CGNL1: variants seen among roughly 807,000 people sequenced by gnomAD.
The protein encoded by CGNL1 is cingulin like 1, also known as cingulin-like protein 1.
Under a neutral mutation model 141.2 loss-of-function variants are expected in CGNL1, and 132 were observed. That is an observed-to-expected ratio of 0.93 (90% CI 0.81 to 1.08). The LOEUF (loss-of-function observed/expected upper bound fraction) is 1.08. CGNL1 is among the 50% of genes least tolerant of loss of function. The pLI is 0.00. For synonymous variants in CGNL1, 690 were observed against 622.1 expected (o/e 1.11, Z -1.63); for missense variants, 1,870 against 1,588.6 (o/e 1.18, Z -3.01).
chr15:57,511,634 C>A (rs1408555773), intron 8 of CGNL1, among the ~76,000 whole-genome samples: 2 of 152,178 alleles, frequency 1.3e-5, no homozygotes, highest in African/African-American at 4.8e-5. Context: ...TGTTATCAAA[C>A]CTTTTGATGT....
Position 57,516,992 on chromosome 15 carries a change from G to A in CGNL1, c.2610+6G>A. The A allele has an allele frequency of 6.2e-7, 1 of 1,610,708 alleles. No individual in the cohort carries two copies. The highest frequency in any genetic ancestry group is 2.2e-5 in the East Asian group (1 of 44,774). ...AAACGCTGAAGAAGTACGAGGTGAG[G>A]CTCGCTGGGCCCAGGCCCAGCTTTG... On this transcript the variant is annotated splice_donor_region_variant and intron_variant, in intron 9 of 18. Transcript: ENST00000281282.
In CGNL1 at chr15:57,463,431, C is replaced by T. The variant is rs185339761; in HGVS notation, c.2403+1539C>T. ...TATTTTCATTATGCCATTTCAAGAGCGACAACTACATTGACCCATATCAGT... is the reference window on the plus strand; with the variant it reads ...TATTTTCATTATGCCATTTCAAGAGTGACAACTACATTGACCCATATCAGT... On this transcript the variant is annotated intron_variant, in intron 8 of 18. Transcript: ENST00000281282. Among the ~76,000 whole-genome samples the T allele has an allele frequency of 5.9e-5, 9 of 152,266 alleles. No homozygotes were observed. The South Asian group carries it at 8.3e-4, about 14-fold the overall frequency.
chr15:57,439,285 C>G lies in CGNL1; in HGVS notation c.1286C>G (p.Pro429Arg), dbSNP rs776158662. ...CCTTCCCAGGTGTGCCCGCAGCGGC[C>G]ACTGTCTCAGGAGCGCCGTGGGAAA... ...LRPSQVCPQR[P>R]LSQERRGKQS... The change falls in exon 2 of 19, where the codon CCA (proline) becomes CGA (arginine). Residue 429 changes from proline (P) to arginine (R), a missense_variant. Pro to Arg is a moderately radical substitution (Grantham distance 103, BLOSUM62 -2). Transcript: ENST00000281282. 1 of 1,614,072 alleles carries G rather than the reference C, an allele frequency of 6.2e-7. No individual in the cohort carries two copies. Among genetic ancestry groups the G allele is most frequent in the East Asian group, 2.2e-5 (1 of 44,866 alleles).
rs10593036 is a variant in CGNL1 at position 57,398,937 on chromosome 15, AAATTTT to A, written c.-16+22372_-16+22377del. ...ATTATTTTGAAAATCCAGGCCCTTT[AAATTTT>A]ATTTTTGCTCTCACAAATCCTTCTT... On this transcript the variant is annotated intron_variant, in intron 1 of 18. Transcript: ENST00000281282. Among the ~76,000 whole-genome samples, 1,461 of 152,298 alleles carry A rather than the reference AAATTTT, an allele frequency of 9.6e-3. 23 individuals are homozygous for A. The highest frequency in any genetic ancestry group is 0.033 in the African/African-American group (1,371 of 41,556).
At chr15:57,529,276 G>T (rs1351947205) in intron 13 of CGNL1, among the ~76,000 whole-genome samples, 1 of 152,106 alleles carries the variant, frequency 6.6e-6, no homozygotes, top group Non-Finnish European at 1.5e-5. Flanking sequence ...TCCCTTAGAG[G>T]TTATTGGGCT....
chr15:57,476,021 A>G (rs2152352368), intron 8 of CGNL1, among the ~76,000 whole-genome samples: 1 of 151,992 alleles, frequency 6.6e-6, no homozygotes, highest in African/African-American at 2.4e-5. Context: ...TTGTTTGTTT[A>G]CTCAACACAT....
intron 1 of CGNL1, among the ~76,000 whole-genome samples, chr15:57,391,178 C>A (rs749418592): frequency 3.3e-5 from 5 of 152,260 alleles, no homozygotes; most frequent in Non-Finnish European, 7.3e-5. Context: ...CTTTCCACAC[C>A]CTGTGGTTGT....
At chr15:57,507,551 T>A (rs897175345) in intron 8 of CGNL1, among the ~76,000 whole-genome samples, 2 of 152,150 alleles carry the variant, frequency 1.3e-5, no homozygotes, top group Non-Finnish European at 2.9e-5. Context: ...AAAGGGAGTA[T>A]CTTTTAGGTG....
rs201747155 is a variant in CGNL1, at chr15:57,438,877, C to T, written c.878C>T (p.Ser293Phe). ...GGACCCGTCCTGGATGGAGCTCGGTCCCGGAGGTCCTCCTCGTCATCCACA... is the reference window on the plus strand; with the variant it reads ...GGACCCGTCCTGGATGGAGCTCGGTTCCGGAGGTCCTCCTCGTCATCCACA... The part of the protein sequence containing the change: ...SAGPVLDGAR[S>F]RRSSSSSTTP... Residue 293 changes from serine (S) to phenylalanine (F), a missense_variant, in exon 2 of 19, where the codon TCC becomes TTC. Coordinates refer to ENST00000281282, the MANE Select transcript of CGNL1 (RefSeq NM_032866.5). 5 of 1,614,052 alleles carry T rather than the reference C, an allele frequency of 3.1e-6. No homozygotes were observed. The highest frequency in any genetic ancestry group is 4.2e-6 in the Non-Finnish European group (5 of 1,180,038).
chr15:57,523,253 C>G (rs1466450487), intron 10 of CGNL1, among the ~76,000 whole-genome samples: 1 of 152,236 alleles, frequency 6.6e-6, no homozygotes, highest in East Asian at 1.9e-4. Context: ...CGTTGTTTGT[C>G]TGCCCCTTCA....
chr15:57,458,041 A>C (rs1299667990), intron 7 of CGNL1, among the ~76,000 whole-genome samples: 3 of 152,166 alleles, frequency 2.0e-5, no homozygotes, highest in Non-Finnish European at 4.4e-5. Context: ...GGCATGTTAG[A>C]ATCTCAGAGC....
At chr15:57,440,342 A>C in intron 2 of CGNL1, 35 bp from the exon 3 acceptor site, 3 of 1,518,026 alleles carry the variant, frequency 2.0e-6, no homozygotes, top group Non-Finnish European at 1.8e-6. Flanking sequence ...TGGGAACTTC[A>C]TCCTCATGGT....
intron 15 of CGNL1, among the ~76,000 whole-genome samples, chr15:57,544,122 T>C (rs1258225014): frequency 6.6e-6 from 1 of 152,218 alleles, no homozygotes; most frequent in East Asian, 1.9e-4. Flanking sequence ...TCTGTTCATG[T>C]TCTTCACTGC....
At chr15:57,464,792 C>T (rs2063491676) in intron 8 of CGNL1, among the ~76,000 whole-genome samples, 1 of 147,964 alleles carries the variant, frequency 6.8e-6, no homozygotes, top group African/African-American at 2.5e-5. Context: ...CTCTGTCACC[C>T]TGGTTGGAGT....
At chr15:57,404,507 G>T (rs971867276) in intron 1 of CGNL1, among the ~76,000 whole-genome samples, 3 of 152,196 alleles carry the variant, frequency 2.0e-5, no homozygotes, top group Non-Finnish European at 4.4e-5. Flanking sequence ...ATGGATCCTT[G>T]TAGCGAACAT....
chr15:57,506,599 C>G (rs1162784012), intron 8 of CGNL1, among the ~76,000 whole-genome samples: 3 of 152,164 alleles, frequency 2.0e-5, no homozygotes, highest in Non-Finnish European at 4.4e-5. Context: ...CTCCTTTTCC[C>G]TTCCCTGGCT....
chr15:57,459,011 A>G (rs532448946), intron 7 of CGNL1, among the ~76,000 whole-genome samples: 2 of 152,294 alleles, frequency 1.3e-5, no homozygotes, highest in East Asian at 3.9e-4. Context: ...AAAATGAAAG[A>G]GATCTCGTTG....
rs1212001483 is a variant in CGNL1, at chr15:57,547,577, T to C, written c.*87T>C. ...GGAGGCAGGGAGGGGAGCATCTGTC[T>C]GCCACTGAGACCAATCACAGCCTCT... On this transcript the variant is annotated 3_prime_UTR_variant, in exon 19 of 19. Coordinates refer to ENST00000281282, the MANE Select transcript of CGNL1 (RefSeq NM_032866.5). The C allele has an allele frequency of 4.1e-6, 6 of 1,480,060 alleles. No homozygotes were observed. The highest frequency in any genetic ancestry group is 5.5e-6 in the Non-Finnish European group (6 of 1,086,048). 91.7% of individuals were successfully genotyped at this position (1,480,060 alleles called of 1,614,324 possible). A position where few individuals can be genotyped will look rare whatever the true frequency, so the allele number is the denominator to read the frequency against.
At chr15:57,449,249 T>C (rs556678090) in intron 4 of CGNL1, among the ~76,000 whole-genome samples, 5 of 152,292 alleles carry the variant, frequency 3.3e-5, no homozygotes, top group Non-Finnish European at 5.9e-5. Context: ...GGAGTATTTA[T>C]TGTAGGTTCT....
Sources: allele counts gnomAD v4.1 joint callset (sites outside exome capture counted in the v4.1 genomes callset), GRCh38; gene constraint gnomAD v4.1.1; transcripts MANE v1.5; gene names NCBI Gene and HGNC (gene_info 2026-07-23, HGNC 2026-07-21).